PEX39: variants seen among roughly 807,000 people sequenced by gnomAD.
PEX39 encodes peroxisomal biogenesis factor 39.
the PEX39 span, chr6:42,890,633 G>A: frequency 6.2e-7 from 1 of 1,612,660 alleles, no homozygotes; most frequent in Non-Finnish European, 8.5e-7. Context: ...GCGGCAGCCG[G>A]GACGCTGTGG....
the PEX39 span, chr6:42,890,574 G>A: frequency 3.7e-6 from 6 of 1,609,008 alleles, no homozygotes; most frequent in East Asian, 4.5e-5. Flanking sequence ...GAGGGTCGGA[G>A]GGGGAAGGGA....
the PEX39 span, chr6:42,890,757 G>A: frequency 6.2e-7 from 1 of 1,604,434 alleles, no homozygotes; most frequent in South Asian, 1.1e-5. Flanking sequence ...AGAGGCCGGG[G>A]CCGAGCATTG....
the PEX39 span, chr6:42,890,455 A>C: frequency 1.3e-6 from 2 of 1,497,046 alleles, no homozygotes; most frequent in Non-Finnish European, 1.8e-6. Flanking sequence ...CACGCCCTCC[A>C]GATCGCCGCC....
At chr6:42,890,754 G>C in the PEX39 span, 2 of 1,604,642 alleles carry the variant, frequency 1.2e-6, no homozygotes, top group Non-Finnish European at 1.7e-6. Context: ...GGCAGAGGCC[G>C]GGGCCGAGCA....
the PEX39 span, chr6:42,890,820 G>A: frequency 2.0e-6 from 3 of 1,538,310 alleles, no homozygotes; most frequent in Non-Finnish European, 2.6e-6. Flanking sequence ...GGCGTGTAAT[G>A]CAGAGAAGCG....
the PEX39 span, chr6:42,890,501 C>T: frequency 3.9e-6 from 6 of 1,546,300 alleles, no homozygotes; most frequent in Non-Finnish European, 5.2e-6. Flanking sequence ...CCACTGTATG[C>T]CATGAAGAAG....
the PEX39 span, chr6:42,890,655 A>T: frequency 6.2e-7 from 1 of 1,612,770 alleles, no homozygotes; most frequent in Non-Finnish European, 8.5e-7. Context: ...TTCGCCGTGG[A>T]TCGCCGCGAT....
the PEX39 span, chr6:42,890,489 G>GC: frequency 6.6e-7 from 1 of 1,523,082 alleles, no homozygotes. Flanking sequence ...AACCTCAGGG[G>GC]CCCACTGTAT....
chr6:42,890,417 A>G, the PEX39 span: 3 of 1,433,368 alleles, frequency 2.1e-6, no homozygotes, highest in Admixed American at 5.2e-5. Context: ...AAAGATGAGT[A>G]ACTGAATGGC....
the PEX39 span, chr6:42,890,476 T>C: frequency 1.3e-6 from 2 of 1,506,166 alleles, no homozygotes; most frequent in South Asian, 1.4e-5. Context: ...GCAAAGGACC[T>C]GGAACCTCAG....
the PEX39 span, chr6:42,890,465 C>T: frequency 6.7e-7 from 1 of 1,497,296 alleles, no homozygotes; most frequent in Non-Finnish European, 8.9e-7. Context: ...AGATCGCCGC[C>T]GCAAAGGACC....
chr6:42,890,372 CA>C, the PEX39 span: 1 of 1,044,412 alleles, frequency 9.6e-7, no homozygotes, highest in Non-Finnish European at 1.3e-6. Context: ...GTTGCAGGAG[CA>C]AGTCTAGTTG....
the PEX39 span, chr6:42,890,628 A>C: frequency 6.2e-7 from 1 of 1,612,614 alleles, no homozygotes; most frequent in Non-Finnish European, 8.5e-7. Context: ...CCTCCGCGGC[A>C]GCCGGGACGC....
At chr6:42,890,608 A>T in the PEX39 span, 1 of 1,612,048 alleles carries the variant, frequency 6.2e-7, no homozygotes, top group Non-Finnish European at 8.5e-7. Flanking sequence ...GCGGCCTCCC[A>T]GGGCTTGGGC....
At chr6:42,890,652 T>C in the PEX39 span, 1 of 1,612,748 alleles carries the variant, frequency 6.2e-7, no homozygotes, top group South Asian at 1.1e-5. Context: ...GGGTTCGCCG[T>C]GGATCGCCGC....
the PEX39 span, chr6:42,890,369 G>T: frequency 9.9e-7 from 1 of 1,014,704 alleles, no homozygotes; most frequent in Non-Finnish European, 1.4e-6. Context: ...GTGGTTGCAG[G>T]AGCAAGTCTA....
the PEX39 span, chr6:42,890,753 C>CG: frequency 1.2e-6 from 2 of 1,604,546 alleles, no homozygotes; most frequent in Non-Finnish European, 1.7e-6. Context: ...AGGCAGAGGC[C>CG]GGGGCCGAGC....
At chr6:42,890,524 C>G in the PEX39 span, 14 of 1,570,118 alleles carry the variant, frequency 8.9e-6, no homozygotes, top group Non-Finnish European at 1.2e-5. Context: ...GCAGTCGCTG[C>G]CTCAACCAAG....
At chr6:42,890,557 C>CT in the PEX39 span, 1 of 1,603,966 alleles carries the variant, frequency 6.2e-7, no homozygotes, top group African/African-American at 1.3e-5. Context: ...GGGGCCGTTC[C>CT]TATCCTGAGG....
Sources: allele counts gnomAD v4.1 joint callset, GRCh38; gene constraint gnomAD v4.1.1; transcripts MANE v1.5; gene names NCBI Gene and HGNC (gene_info 2026-07-23, HGNC 2026-07-21).